Variants in FAT3 observed in about 807,000 individuals in gnomAD.
FAT3 encodes protocadherin Fat 3.
A neutral mutation model predicts 310.2 loss-of-function variants in FAT3; 95 were observed. The observed-to-expected ratio is 0.31, with a 90% CI of 0.26 to 0.36. The LOEUF (loss-of-function observed/expected upper bound fraction) is 0.36, where lower values mean the gene tolerates loss of function less well. Ranked by LOEUF, FAT3 falls within the 10% of genes least tolerant of loss-of-function variation. The pLI is 1.00. For synonymous variants in FAT3, 2,314 were observed against 2,192.9 expected (o/e 1.06, Z -1.54); for missense variants, 5,408 against 5,715.6 (o/e 0.95, Z 1.74).
At chr11:92,389,696 G>A (rs1331872264) in intron 2 of FAT3, among the ~76,000 whole-genome samples, 1 of 152,130 alleles carries the variant, frequency 6.6e-6, no homozygotes, top group Non-Finnish European at 1.5e-5. Context: ...AGTTAGAAGT[G>A]AGGAAAATGG....
At position 92,799,638 on chromosome 11, in the gene FAT3, A is replaced by C; in HGVS notation, c.6625A>C (p.Asn2209His). 1 of 1,613,838 alleles carries C rather than the reference A, an allele frequency of 6.2e-7. No homozygotes were observed. Among genetic ancestry groups the C allele is most frequent in the Non-Finnish European group, 8.5e-7 (1 of 1,179,838 alleles). The change falls in exon 10 of 28, where the codon AAT (asparagine) becomes CAT (histidine). Residue 2209 changes from asparagine (N) to histidine (H), a missense_variant. Transcript: ENST00000525166. Reference protein sequence around the residue: ...IRMNTPILSINATSPEGQGII... With the variant: ...IRMNTPILSIHATSPEGQGII... ...AATGAACACACCCATCCTAAGCATC[A>C]ATGCCACCAGTCCAGAAGGCCAAGG...
chr11:92,547,258 C>T (rs1401978932), intron 3 of FAT3, among the ~76,000 whole-genome samples: 2 of 152,100 alleles, frequency 1.3e-5, no homozygotes, highest in Non-Finnish European at 2.9e-5. Context: ...GGAAGGTTGC[C>T]CTGAAGTTGC....
At chr11:92,876,703 A>C (rs1398757842) in intron 22 of FAT3, among the ~76,000 whole-genome samples, 1 of 152,244 alleles carries the variant, frequency 6.6e-6, no homozygotes, top group Non-Finnish European at 1.5e-5. Flanking sequence ...TGTCTCTTGA[A>C]GATAAGATTT....
rs571646188 is a variant in FAT3 at position 92,864,683 on chromosome 11, G to C, written c.11659-2058G>C. Among the ~76,000 whole-genome samples the C allele has an allele frequency of 3.1e-4, 47 of 152,200 alleles. No homozygotes were observed. In the South Asian group the frequency reaches 3.5e-3, roughly 11 times the overall value. ...ATAGAAAAAATTAGCTGGGCATGGT[G>C]GCGCTTGCCTGTAATCCCAGCTACT... On this transcript the variant is annotated intron_variant, in intron 21 of 27. Coordinates refer to ENST00000525166, the MANE Select transcript of FAT3 (RefSeq NM_001367949.2).
chr11:92,602,029 T>C (rs1469366481), intron 3 of FAT3, among the ~76,000 whole-genome samples: 4 of 152,052 alleles, frequency 2.6e-5, no homozygotes, highest in Non-Finnish European at 4.4e-5. Context: ...TGATTTTACA[T>C]TGTGGGCACG....
chr11:92,590,550 T>A (rs1050040402), intron 3 of FAT3, among the ~76,000 whole-genome samples: 7 of 152,090 alleles, frequency 4.6e-5, no homozygotes, highest in African/African-American at 1.4e-4. Context: ...AAAAGCAAAC[T>A]CAGATTTTAG....
rs989895192 is a variant in FAT3, at chr11:92,674,042, G to A, written c.3608-23342G>A. On this transcript the variant is annotated intron_variant, in intron 3 of 27. Coordinates refer to ENST00000525166, the MANE Select transcript of FAT3 (RefSeq NM_001367949.2). ...CTAAAAATACAAAAATTAGCCGGGT[G>A]TGGTGGCACGTGCCTGTAATCCCAG... Among the ~76,000 whole-genome samples the A allele has an allele frequency of 3.3e-5, 5 of 151,918 alleles. No individual in the cohort carries two copies. In the South Asian group the frequency reaches 1.0e-3, roughly 32 times the overall value.
At chr11:92,386,296 T>C (rs1237703857) in intron 2 of FAT3, among the ~76,000 whole-genome samples, 1 of 152,210 alleles carries the variant, frequency 6.6e-6, no homozygotes, top group Non-Finnish European at 1.5e-5. Flanking sequence ...GCAAATTACT[T>C]GATCTCTTTG....
intron 2 of FAT3, among the ~76,000 whole-genome samples, chr11:92,464,397 T>G (rs1409040376): frequency 6.6e-6 from 1 of 152,230 alleles, no homozygotes. Flanking sequence ...ATATTTCCCC[T>G]GCCTTTAATT....
At chr11:92,753,798 G>GTA (rs1555140308) in intron 4 of FAT3, among the ~76,000 whole-genome samples, 1,553 of 119,236 alleles carry the variant, frequency 0.013, 117 homozygotes, top group African/African-American at 0.038. Context: ...GTGTGTGTGT[G>GTA]TATATATATA....
Position 92,793,106 on chromosome 11 carries a change from C to T in FAT3, c.4822+129C>T, listed in dbSNP as rs563550537. On this transcript the variant is annotated intron_variant, in intron 9 of 27. Coordinates refer to ENST00000525166, the MANE Select transcript of FAT3 (RefSeq NM_001367949.2). ...TCTAAATGAACTTTTTTGGCCAAGC[C>T]GCTGTCCTATTTGGGAGATGATGGT... The T allele has an allele frequency of 4.5e-5, 40 of 884,042 alleles. No homozygotes were observed. The East Asian group carries it at 8.3e-4, about 18-fold the overall frequency. The allele number at this position is 884,042 out of a possible 1,614,324, so 54.8% of individuals were successfully genotyped here.
intron 20 of FAT3, 57 bp from the exon 21 acceptor site, chr11:92,859,106 GTC>G (rs1467269449): frequency 7.9e-6 from 12 of 1,528,162 alleles, no homozygotes; most frequent in African/African-American, 2.7e-5. Context: ...GATTTCATGT[GTC>G]TCTGTTCCTT....
chr11:92,836,582 T>C lies in FAT3; in HGVS notation c.10103T>C (p.Val3368Ala). The change falls in exon 16 of 28, where the codon GTA becomes GCA. Residue 3368 changes from valine to alanine, a missense_variant. Physicochemically the swap from Val to Ala is moderately conservative, Grantham distance 64. Coordinates refer to ENST00000525166, the MANE Select transcript of FAT3 (RefSeq NM_001367949.2). ...TCCATGAAGCTAATAGCAGAAGATG[T>C]AGACAGCCAGCCCAACGGACAGATT... is the stretch of plus-strand genomic sequence containing the variant. ...DSVILLIAED[V>A]DSQPNGQIHF... The C allele has an allele frequency of 6.2e-7, 1 of 1,613,640 alleles. No individual in the cohort carries two copies. Among genetic ancestry groups the C allele is most frequent in the Non-Finnish European group, 8.5e-7 (1 of 1,179,776 alleles).
At chr11:92,392,831 C>T (rs1729223080) in intron 2 of FAT3, among the ~76,000 whole-genome samples, 1 of 152,156 alleles carries the variant, frequency 6.6e-6, no homozygotes, top group African/African-American at 2.4e-5. Context: ...CTCTTGAAGC[C>T]CCTCCTCTCC....
intron 3 of FAT3, among the ~76,000 whole-genome samples, chr11:92,685,775 T>G (rs937960413): frequency 1.3e-5 from 2 of 151,942 alleles, no homozygotes; most frequent in Non-Finnish European, 2.9e-5. Context: ...CCTGGAGAAG[T>G]CACAGTCTAT....
At chr11:92,225,422 G>C (rs1863863480) in intron 1 of FAT3, among the ~76,000 whole-genome samples, 1 of 152,190 alleles carries the variant, frequency 6.6e-6, no homozygotes, top group Non-Finnish European at 1.5e-5. Flanking sequence ...CGGGAGCCGG[G>C]AGGTTTACAC....
intron 2 of FAT3, among the ~76,000 whole-genome samples, chr11:92,402,243 G>GA (rs563065110): frequency 6.6e-6 from 1 of 152,076 alleles, no homozygotes; most frequent in Non-Finnish European, 1.5e-5. Context: ...ACAACCACGG[G>GA]AAAAAATATT....
intron 2 of FAT3, among the ~76,000 whole-genome samples, chr11:92,435,871 C>T (rs780801946): frequency 2.4e-4 from 36 of 152,014 alleles, no homozygotes; most frequent in African/African-American, 6.0e-4. Flanking sequence ...CCAGCCTCTT[C>T]GCATTTTCAT....
intron 1 of FAT3, among the ~76,000 whole-genome samples, chr11:92,335,607 A>G (rs12800391): frequency 0.026 from 3,979 of 152,260 alleles, 60 homozygotes; most frequent in Non-Finnish European, 0.033. Context: ...TTTATTTTGA[A>G]TTGTGTAAAA....
Sources: allele counts gnomAD v4.1 joint callset (sites outside exome capture counted in the v4.1 genomes callset), GRCh38; gene constraint gnomAD v4.1.1; transcripts MANE v1.5; gene names NCBI Gene and HGNC (gene_info 2026-07-23, HGNC 2026-07-21).